OLFM3: variants seen among roughly 807,000 people sequenced by gnomAD.
OLFM3 encodes noelin-3.
Under a neutral mutation model 48.6 loss-of-function variants are expected in OLFM3, and 20 were observed. That is an observed-to-expected ratio of 0.41 (90% confidence interval 0.29 to 0.60). The LOEUF (loss-of-function observed/expected upper bound fraction) is 0.60, where lower values mean the gene tolerates loss of function less well. OLFM3 is among the 20% of genes least tolerant of loss of function. The probability of loss-of-function intolerance (pLI) is 0.28; values close to 1 mark genes in which losing one functional copy is unlikely to be tolerated. For synonymous variants in OLFM3, 222 were observed against 198.1 expected (o/e 1.12, Z -1.01); for missense variants, 437 against 544.3 (o/e 0.80, Z 1.96).
At chr1:101,807,723 T>C (rs766162267) in intron 4 of OLFM3, among the ~76,000 whole-genome samples, 2 of 151,846 alleles carry the variant, frequency 1.3e-5, no homozygotes, top group Non-Finnish European at 2.9e-5. Context: ...TTTCCCTTTT[T>C]GTAAAAGAAA....
chr1:101,900,331 T>C (rs114242548), intron 1 of OLFM3, among the ~76,000 whole-genome samples: 2,897 of 152,204 alleles, frequency 0.019, 96 homozygotes, highest in African/African-American at 0.067. Flanking sequence ...AGGTAGTTAA[T>C]GAGCCTGCAA....
chr1:101,827,372 G>C (rs1163390069), intron 3 of OLFM3, among the ~76,000 whole-genome samples: 10 of 151,668 alleles, frequency 6.6e-5, no homozygotes, highest in Non-Finnish European at 1.5e-4. Flanking sequence ...CTGGAGTGCA[G>C]TCAGTGGCGC....
At chr1:101,882,338 A>AT (rs1657567467) in intron 1 of OLFM3, among the ~76,000 whole-genome samples, 1 of 108,060 alleles carries the variant, frequency 9.3e-6, no homozygotes, top group Non-Finnish European at 2.2e-5. Context: ...TATAATATAT[A>AT]TATATATATA....
At chr1:101,853,625 G>A (rs1656304625) in intron 1 of OLFM3, among the ~76,000 whole-genome samples, 1 of 152,156 alleles carries the variant, frequency 6.6e-6, no homozygotes, top group South Asian at 2.1e-4. Context: ...GAGATAAATG[G>A]ATAAATGAAT....
At chr1:101,894,052 G>A (rs1007112361) in intron 1 of OLFM3, 2 of 154,042 alleles carry the variant, frequency 1.3e-5, no homozygotes, top group Non-Finnish European at 2.9e-5. Flanking sequence ...ATCTTAATGG[G>A]ACCAGTGATA....
intron 1 of OLFM3, among the ~76,000 whole-genome samples, chr1:101,901,710 C>G (rs1259346041): frequency 1.3e-5 from 2 of 151,988 alleles, no homozygotes; most frequent in South Asian, 2.1e-4. Context: ...ACAGACCTGA[C>G]AGATAATTGA....
chr1:101,823,244 C>T (rs1312956834), intron 4 of OLFM3, among the ~76,000 whole-genome samples: 1 of 151,952 alleles, frequency 6.6e-6, no homozygotes, highest in African/African-American at 2.4e-5. Context: ...GATAATGAAA[C>T]AAGAGAAGTC....
chr1:101,824,377 T>C (rs1654747318), intron 4 of OLFM3, among the ~76,000 whole-genome samples: 2 of 152,138 alleles, frequency 1.3e-5, no homozygotes, highest in Admixed American at 6.6e-5. Flanking sequence ...ACGAAAGAGT[T>C]TGTAACTCAG....
chr1:101,872,931 A>G (rs1657142195), intron 1 of OLFM3, among the ~76,000 whole-genome samples: 2 of 152,022 alleles, frequency 1.3e-5, no homozygotes, highest in African/African-American at 4.8e-5. Context: ...TAAAATCTTT[A>G]AAAACAAATC....
chr1:101,821,755 G>A (rs1172414831), intron 4 of OLFM3, among the ~76,000 whole-genome samples: 2 of 152,046 alleles, frequency 1.3e-5, no homozygotes, highest in African/African-American at 4.8e-5. Context: ...ACTATTTTCA[G>A]TATTTTATAA....
intron 1 of OLFM3, among the ~76,000 whole-genome samples, chr1:101,948,864 A>T (rs1660037200): frequency 6.8e-6 from 1 of 147,668 alleles, no homozygotes; most frequent in Non-Finnish European, 1.5e-5. Context: ...TATATTATAT[A>T]TTTATATATT....
chr1:101,949,599 A>G (rs1048538300), intron 1 of OLFM3, among the ~76,000 whole-genome samples: 35 of 152,214 alleles, frequency 2.3e-4, no homozygotes, highest in Middle Eastern at 3.4e-3. Context: ...TGACCTTTTT[A>G]TAACAAAAGA....
intron 1 of OLFM3, among the ~76,000 whole-genome samples, chr1:101,952,555 CAT>C (rs1459345167): frequency 2.0e-5 from 3 of 151,842 alleles, no homozygotes; most frequent in African/African-American, 7.3e-5. Context: ...ATATGTAAGA[CAT>C]GCATATGTGT....
chr1:101,932,089 T>A (rs1474148837), intron 1 of OLFM3, among the ~76,000 whole-genome samples: 1 of 152,230 alleles, frequency 6.6e-6, no homozygotes, highest in East Asian at 1.9e-4. Flanking sequence ...AGTGTGATTT[T>A]TTCCCCCTGC....
intron 1 of OLFM3, among the ~76,000 whole-genome samples, chr1:101,891,614 T>C (rs1176902420): frequency 6.6e-6 from 1 of 151,930 alleles, no homozygotes; most frequent in Non-Finnish European, 1.5e-5. Flanking sequence ...TGTTTCATAA[T>C]GTAATAAACA....
intron 1 of OLFM3, among the ~76,000 whole-genome samples, chr1:101,913,728 G>A (rs765590893): frequency 1.3e-5 from 2 of 149,168 alleles, no homozygotes; most frequent in South Asian, 4.2e-4. Context: ...CTGTCAAAAA[G>A]ACTGATATCC....
At chr1:101,865,654 G>A (rs1656831259) in intron 1 of OLFM3, among the ~76,000 whole-genome samples, 1 of 152,100 alleles carries the variant, frequency 6.6e-6, no homozygotes, top group Non-Finnish European at 1.5e-5. Context: ...ACAATCATTA[G>A]TATCTATCCT....
chr1:101,857,500 T>C (rs1487318486), intron 1 of OLFM3, among the ~76,000 whole-genome samples: 3 of 151,940 alleles, frequency 2.0e-5, no homozygotes, highest in Non-Finnish European at 2.9e-5. Context: ...ATACATTATA[T>C]AAACATTGTA....
intron 1 of OLFM3, among the ~76,000 whole-genome samples, chr1:101,839,068 A>G (rs1655580064): frequency 6.6e-6 from 1 of 152,232 alleles, no homozygotes; most frequent in Non-Finnish European, 1.5e-5. Flanking sequence ...GAAACTCATG[A>G]TGATACCAAG....
Sources: allele counts gnomAD v4.1 joint callset (sites outside exome capture counted in the v4.1 genomes callset), GRCh38; gene constraint gnomAD v4.1.1; transcripts MANE v1.5; gene names NCBI Gene and HGNC (gene_info 2026-07-23, HGNC 2026-07-21).